Variants in PEX1 observed in about 807,000 individuals in gnomAD.
The protein encoded by PEX1 is peroxisomal biogenesis factor 1.
In PEX1, 97 loss-of-function variants were observed where a neutral mutation model predicts 152.5. The observed-to-expected ratio is 0.64, with a 90% CI of 0.54 to 0.75. The LOEUF is 0.75. PEX1 is among the 30% of genes least tolerant of loss of function. PEX1 has a pLI of 0.00. For synonymous variants in PEX1, 485 were observed against 531.6 expected, an observed-to-expected ratio of 0.91 and a Z score of 1.21; for missense variants, 1,357 against 1,516.3, an observed-to-expected ratio of 0.89 and a Z score of 1.74.
At chr7:92,522,690 T>A (rs908118283) in intron 1 of PEX1, among the ~76,000 whole-genome samples, 30 of 152,212 alleles carry the variant, frequency 2.0e-4, no homozygotes, top group African/African-American at 6.0e-4. Context: ...AAATAAGATA[T>A]AAATTTACTA....
chr7:92,520,695 G>T (rs1302999159), intron 2 of PEX1, among the ~76,000 whole-genome samples: 1 of 152,216 alleles, frequency 6.6e-6, no homozygotes, highest in Non-Finnish European at 1.5e-5. Flanking sequence ...GATTCTTCAG[G>T]AGATAGTGTC....
chr7:92,528,478 A>C lies in PEX1; in HGVS notation c.-43T>G, dbSNP rs572810743. 698 of 1,535,240 alleles carry C rather than the reference A, an allele frequency of 4.5e-4. 1 individual carries two copies. Among genetic ancestry groups the C allele is most frequent in the Non-Finnish European group, 2.7e-4 (311 of 1,141,678 alleles). On this transcript the variant is annotated 5_prime_UTR_variant, in exon 1 of 24. Coordinates refer to ENST00000248633, the MANE Select transcript of PEX1 (RefSeq NM_000466.3). Reference sequence around the variant, plus strand: ...CTGGGTTCGCCCACCCTAGCGCCGCAAAGGACCCGGGACCCGGCAGGCCGA... The same window carrying C: ...CTGGGTTCGCCCACCCTAGCGCCGCCAAGGACCCGGGACCCGGCAGGCCGA...
At chr7:92,528,249 GC>G in intron 1 of PEX1, 57 bp downstream of exon 1, 1 of 1,542,324 alleles carries the variant, frequency 6.5e-7, no homozygotes, top group Non-Finnish European at 8.7e-7. Flanking sequence ...TCCCTGAGAG[GC>G]TTCGGCCTCG....
rs775544654 is a variant in PEX1, at chr7:92,504,890, T to A, written c.1913A>T (p.Glu638Val). Residue 638 changes from glutamate (E) to valine (V), a missense_variant, in exon 12 of 24, where the codon GAA becomes GTA. By Grantham distance (121) the Glu-to-Val change is moderately radical. Coordinates refer to ENST00000248633, the MANE Select transcript of PEX1 (RefSeq NM_000466.3). ...CACCTCTAGGGTTTTTTGTATGTTT[T>A]CAAGCCTTTTTCCTTAATACAGAAG... ...DCKALRGKRL[E>V]NIQKTLEVAF... 6.2e-7 allele frequency: 1 copy of A among 1,613,242 alleles called. No individual in the cohort carries two copies. Among genetic ancestry groups the A allele is most frequent in the Non-Finnish European group, 8.5e-7 (1 of 1,179,150 alleles).
chr7:92,499,937 G>A, intron 15 of PEX1, 99 bp from the exon 16 acceptor site: 2 of 890,944 alleles, frequency 2.2e-6, no homozygotes, highest in Non-Finnish European at 3.5e-6. Context: ...AAATTCAGAT[G>A]GTAATCACGA....
intron 23 of PEX1, among the ~76,000 whole-genome samples, 179 bp from the exon 24 acceptor site, chr7:92,487,720 T>C (rs565506146): frequency 1.3e-5 from 2 of 152,134 alleles, no homozygotes; most frequent in South Asian, 4.1e-4. Flanking sequence ...TGCACTCCAA[T>C]AGAAAACGGA....
At chr7:92,498,118 AC>A (rs1430543753) in intron 16 of PEX1, among the ~76,000 whole-genome samples, 1 of 151,994 alleles carries the variant, frequency 6.6e-6, no homozygotes, top group Non-Finnish European at 1.5e-5. Flanking sequence ...GAACAAGGCA[AC>A]AGCCTGGCAC....
chr7:92,501,432 A>T, intron 15 of PEX1, 75 bp downstream of exon 15: 1 of 1,211,682 alleles, frequency 8.3e-7, no homozygotes, highest in South Asian at 1.2e-5. Context: ...GGGCAAGCTG[A>T]CACATAAAGC....
chr7:92,500,954 T>C (rs1308589273), intron 15 of PEX1, among the ~76,000 whole-genome samples: 2 of 152,204 alleles, frequency 1.3e-5, no homozygotes, highest in Non-Finnish European at 2.9e-5. Flanking sequence ...TCCTAGTTTA[T>C]TCCTATCCAT....
chr7:92,521,623 G>A (rs192649316), intron 2 of PEX1, among the ~76,000 whole-genome samples: 2 of 151,764 alleles, frequency 1.3e-5, no homozygotes, highest in African/African-American at 4.8e-5. Flanking sequence ...TTAGTAGAGA[G>A]GGGGGGTTTC....
intron 16 of PEX1, among the ~76,000 whole-genome samples, chr7:92,497,266 A>G (rs59601943): frequency 0.026 from 3,898 of 152,318 alleles, 204 homozygotes; most frequent in African/African-American, 0.089. Context: ...TGTCTGCCAC[A>G]TAAGTATTGG....
chr7:92,487,446 A>G lies in PEX1; in HGVS notation c.*11T>C. 1 of 1,456,876 alleles carries G rather than the reference A, an allele frequency of 6.9e-7. No homozygotes were observed. The highest frequency in any genetic ancestry group is 9.6e-7 in the Non-Finnish European group (1 of 1,044,686). The allele number at this position is 1,456,876 out of a possible 1,614,324, so 90.2% of individuals were successfully genotyped here. Reference sequence around the variant, plus strand: ...AAAACTTAACAGAACCAAATCAAAAAGAAGTATATTTTATGCTAAAGTTAC... The same window carrying G: ...AAAACTTAACAGAACCAAATCAAAAGGAAGTATATTTTATGCTAAAGTTAC... On this transcript the variant is annotated 3_prime_UTR_variant, in exon 24 of 24. Transcript: ENST00000248633.
In PEX1 at chr7:92,491,264, C is replaced by T. The variant is rs2116057302; in HGVS notation, c.3438+8G>A. 3 of 1,560,658 alleles carry T rather than the reference C, an allele frequency of 1.9e-6. No individual in the cohort carries two copies. The highest frequency in any genetic ancestry group is 2.7e-6 in the Non-Finnish European group (3 of 1,131,278). ...TCAGAACTGTATAATGATGACTGCA[C>T]AAGATACCAAATCAGAAGAGGTTCC... On this transcript the variant is annotated splice_region_variant and intron_variant, in intron 21 of 23. Transcript: ENST00000248633.
At chr7:92,491,204 C>G in intron 21 of PEX1, 68 bp downstream of exon 21, 2 of 1,087,390 alleles carry the variant, frequency 1.8e-6, no homozygotes, top group Non-Finnish European at 2.8e-6. Context: ...GGAGAGAAAT[C>G]ACTGCAACTT....
chr7:92,493,102 G>A lies in PEX1; in HGVS notation c.3058C>T (p.Leu1020Phe), dbSNP rs1234206435. ...QVSRLEILNVLSDSLPLADDV... is the reference protein window; with the variant it reads ...QVSRLEILNVFSDSLPLADDV... ...TCTGCCAGAGGTAGAGAGTCACTGA[G>A]GACATTTAAAATTTCAAGACGTGAC... Residue 1020 changes from leucine (L) to phenylalanine (F), a missense_variant, in exon 20 of 24, where the codon CTC becomes TTC. Physicochemically the swap from Leu to Phe is conservative, Grantham distance 22. Transcript: ENST00000248633. 1.9e-6 allele frequency: 3 copies of A among 1,607,264 alleles called. No individual in the cohort carries two copies. Among genetic ancestry groups the A allele is most frequent in the Non-Finnish European group, 2.6e-6 (3 of 1,175,806 alleles).
intron 6 of PEX1, among the ~76,000 whole-genome samples, chr7:92,512,141 G>A (rs1205109353): frequency 2.7e-5 from 4 of 149,744 alleles, no homozygotes; most frequent in Admixed American, 6.6e-5. Flanking sequence ...CAAGCGATTC[G>A]CTTGCCTCAG....
chr7:92,497,688 C>T (rs1365565507), intron 16 of PEX1, among the ~76,000 whole-genome samples: 1 of 152,064 alleles, frequency 6.6e-6, no homozygotes, highest in Non-Finnish European at 1.5e-5. Flanking sequence ...AATATTCAAC[C>T]ACATAAATAT....
At chr7:92,514,816 C>T (rs191812518) in intron 5 of PEX1, among the ~76,000 whole-genome samples, 1 of 152,156 alleles carries the variant, frequency 6.6e-6, no homozygotes, top group East Asian at 1.9e-4. Context: ...CTTTGGGAGG[C>T]CGAGGTGGGC....
At chr7:92,515,103 A>C (rs866188087) in intron 5 of PEX1, among the ~76,000 whole-genome samples, 479 of 26,272 alleles carry the variant, frequency 0.018, 34 homozygotes, top group East Asian at 0.049. Flanking sequence ...ATATATATAT[A>C]TATATATATA....
Sources: allele counts gnomAD v4.1 joint callset (sites outside exome capture counted in the v4.1 genomes callset), GRCh38; gene constraint gnomAD v4.1.1; transcripts MANE v1.5; gene names NCBI Gene and HGNC (gene_info 2026-07-23, HGNC 2026-07-21).